Variants in RGL3 observed in about 807,000 individuals in gnomAD.
RGL3 encodes the protein ral guanine nucleotide dissociation stimulator-like 3.
In RGL3, 85 loss-of-function variants were observed where a neutral mutation model predicts 90.6. The observed-to-expected ratio is 0.94, with a 90% CI of 0.79 to 1.12. The LOEUF is 1.12. Ranked by LOEUF, RGL3 falls within the 50% of genes most tolerant of loss-of-function variation. The pLI is 0.00. For missense variants in RGL3, 1,034 were observed against 939.2 expected, an observed-to-expected ratio of 1.10 and a Z score of -1.32; for synonymous variants, 408 against 385.5, an observed-to-expected ratio of 1.06 and a Z score of -0.68.
In RGL3 at chr19:11,402,669, G is replaced by T. The variant is rs960225093; in HGVS notation, c.1223C>A (p.Thr408Asn). 1 of 1,613,852 alleles carries T rather than the reference G, an allele frequency of 6.2e-7. No individual in the cohort carries two copies. Among genetic ancestry groups the T allele is most frequent in the African/African-American group, 1.3e-5 (1 of 74,910 alleles). The change falls in exon 10 of 19, where the codon ACC (threonine) becomes AAC (asparagine). Residue 408 changes from threonine to asparagine, a missense_variant. Coordinates refer to ENST00000380456, the MANE Select transcript of RGL3 (RefSeq NM_001035223.4). ...ACTCACTGAGGGCAGGCTGCCTGGG[G>T]TGTTGTCCTCTTCTTGGGATCCCTC... ...ATEGSQEEDN[T>N]PGSLPSKPPP...
chr19:11,397,476 T>C lies in RGL3; in HGVS notation c.1868A>G (p.Asn623Ser), dbSNP rs746209386. ...EARVIRVSID[N>S]DHGNLYRSIL... is the part of the protein sequence containing the mutation. ...GCTTCGATACAGGTTCCCGTGGTCA[T>C]TGTCGATGCTGACGCGGATGACACG... is the stretch of plus-strand genomic sequence containing the variant. The change falls in exon 17 of 19, where the codon AAT becomes AGT. Residue 623 changes from asparagine to serine, a missense_variant. Asn to Ser is a conservative substitution (Grantham distance 46, BLOSUM62 1). Coordinates refer to ENST00000380456, the MANE Select transcript of RGL3 (RefSeq NM_001035223.4). The C allele has an allele frequency of 6.2e-7, 1 of 1,612,990 alleles. No homozygotes were observed. The highest frequency in any genetic ancestry group is 1.1e-5 in the South Asian group (1 of 90,960).
intron 18 of RGL3, 32 bp downstream of exon 18, chr19:11,397,212 C>G (rs1368813710): frequency 6.3e-6 from 10 of 1,593,608 alleles, no homozygotes; most frequent in African/African-American, 1.3e-5. Context: ...CCCGCTGCCC[C>G]CTATCCTGAG....
intron 5 of RGL3, among the ~76,000 whole-genome samples, chr19:11,407,737 A>C (rs1028110487): frequency 6.7e-6 from 1 of 150,320 alleles, no homozygotes; most frequent in Non-Finnish European, 1.5e-5. Context: ...CCCAGGCTGG[A>C]ATGCAATGGC....
At chr19:11,395,582 TCAGA>T (rs1293796629) in intron 18 of RGL3, among the ~76,000 whole-genome samples, 1 of 152,102 alleles carries the variant, frequency 6.6e-6, no homozygotes, top group Non-Finnish European at 1.5e-5. Flanking sequence ...AAACTTAAGA[TCAGA>T]CAAACTTCTA....
chr19:11,406,891 CT>C, intron 5 of RGL3, 27 bp from the exon 6 acceptor site: 1 of 1,594,294 alleles, frequency 6.3e-7, no homozygotes, highest in Non-Finnish European at 8.6e-7. Context: ...GTTACAAACT[CT>C]CAAGTTTGAA....
chr19:11,416,559 C>A (rs1017957420), intron 4 of RGL3, 55 bp downstream of exon 4: 1 of 1,555,612 alleles, frequency 6.4e-7, no homozygotes, highest in Non-Finnish European at 8.9e-7. Context: ...GACTGCTAAC[C>A]TTTGACCTCT....
chr19:11,402,214 CCTT>C lies in RGL3; in HGVS notation c.1360_1362del (p.Lys454del), dbSNP rs768041317. 1 of 1,613,486 alleles carries C rather than the reference CCTT, an allele frequency of 6.2e-7. No individual in the cohort carries two copies. Among genetic ancestry groups the C allele is most frequent in the South Asian group, 1.1e-5 (1 of 91,066 alleles). Reference sequence around the variant, plus strand: ...CCACACCCACTGTAGCCTCCACTCACCTTCCTCCTCTTCTCAAAGTTAATGAGA... The same window carrying C: ...CCACACCCACTGTAGCCTCCACTCACCCTCCTCTTCTCAAAGTTAATGAGA... On this transcript the variant is annotated inframe_deletion and splice_region_variant, in exon 12 of 19. Coordinates refer to ENST00000380456, the MANE Select transcript of RGL3 (RefSeq NM_001035223.4).
chr19:11,414,244 T>C (rs59491869), intron 5 of RGL3, among the ~76,000 whole-genome samples: 1 of 98,160 alleles, frequency 1.0e-5, no homozygotes, highest in Non-Finnish European at 2.0e-5. Flanking sequence ...TATATATATA[T>C]ACCTTTATAT....
chr19:11,411,771 C>T (rs959881268), intron 5 of RGL3, among the ~76,000 whole-genome samples: 2 of 152,116 alleles, frequency 1.3e-5, no homozygotes, highest in Admixed American at 1.3e-4. Context: ...TATAGGCAGT[C>T]ACCACCATGC....
At position 11,419,308 on chromosome 19, in the gene RGL3, G is replaced by A; in HGVS notation, c.-30C>T. 2 of 1,534,398 alleles carry A rather than the reference G, an allele frequency of 1.3e-6. No homozygotes were observed. Among genetic ancestry groups the A allele is most frequent in the Non-Finnish European group, 8.7e-7 (1 of 1,143,522 alleles). On this transcript the variant is annotated 5_prime_UTR_variant, in exon 1 of 19. Transcript: ENST00000380456. ...GGCGCCCGTCCCTCTCAGTGGCGCC[G>A]CTGAGTGAGGCGGAAGGGCCGGCGG...
chr19:11,397,492 G>T lies in RGL3; in HGVS notation c.1852C>A (p.Arg618Ser), dbSNP rs1001169516. ...AQQSSEARVI[R>S]VSIDNDHGNL... Reference sequence around the variant, plus strand: ...CCGTGGTCATTGTCGATGCTGACGCGGATGACACGGGCCTCCGAGCTCTGC... The same window carrying T: ...CCGTGGTCATTGTCGATGCTGACGCTGATGACACGGGCCTCCGAGCTCTGC... Residue 618 changes from arginine (R) to serine (S), a missense_variant, in exon 17 of 19, where the codon CGC becomes AGC. Transcript: ENST00000380456. 3 of 1,613,568 alleles carry T rather than the reference G, an allele frequency of 1.9e-6. No homozygotes were observed. The highest frequency in any genetic ancestry group is 2.5e-6 in the Non-Finnish European group (3 of 1,179,824).
chr19:11,416,188 G>A (rs185361624), intron 4 of RGL3, 40 bp from the exon 5 acceptor site: 2 of 1,397,824 alleles, frequency 1.4e-6, no homozygotes, highest in Non-Finnish European at 1.9e-6. Flanking sequence ...GGTCCAGAGT[G>A]GGGGACATAG....
intron 4 of RGL3, 136 bp downstream of exon 4, chr19:11,416,478 C>A (rs1969000420): frequency 1.1e-6 from 1 of 870,468 alleles, no homozygotes; most frequent in African/African-American, 1.6e-5. Context: ...GGATTACAGG[C>A]ATGAGCCACC....
At chr19:11,409,397 C>T (rs1488846233) in intron 5 of RGL3, among the ~76,000 whole-genome samples, 4 of 152,044 alleles carry the variant, frequency 2.6e-5, no homozygotes, top group Non-Finnish European at 5.9e-5. Context: ...AGGAGAATGG[C>T]GTGAACCGGC....
At chr19:11,415,851 C>T (rs1599444882) in intron 5 of RGL3, 86 bp downstream of exon 5, 2 of 1,192,464 alleles carry the variant, frequency 1.7e-6, no homozygotes, top group Admixed American at 2.4e-5. Flanking sequence ...AGTTTTGTAG[C>T]TCTGAGAGGG....
intron 9 of RGL3, 139 bp from the exon 10 acceptor site, chr19:11,402,845 C>T (rs1408677602): frequency 1.4e-5 from 10 of 704,618 alleles, no homozygotes; most frequent in African/African-American, 9.1e-5. Context: ...CGATGGCTCA[C>T]GCCTGTAATC....
At chr19:11,396,144 A>C (rs1205750996) in intron 18 of RGL3, among the ~76,000 whole-genome samples, 12 of 57,968 alleles carry the variant, frequency 2.1e-4, no homozygotes, top group African/African-American at 7.9e-4. Context: ...CTCTATATAT[A>C]TATATATATA....
chr19:11,394,106 T>C lies in RGL3; in HGVS notation c.*296A>G, dbSNP rs1968523880. 3.1e-6 allele frequency: 1 copy of C among 321,444 alleles called. No homozygotes were observed. Among genetic ancestry groups the C allele is most frequent in the African/African-American group, 2.1e-5 (1 of 47,388 alleles). 19.9% of individuals were successfully genotyped at this position (321,444 alleles called of 1,614,324 possible). Reference sequence around the variant, plus strand: ...TTTCATCCGCATCTGTCACTTCTGATGCGTCTCTAACATTTATAAGATTTC... The same window carrying C: ...TTTCATCCGCATCTGTCACTTCTGACGCGTCTCTAACATTTATAAGATTTC... On this transcript the variant is annotated 3_prime_UTR_variant, in exon 19 of 19. Transcript: ENST00000380456.
At chr19:11,417,091 C>A in intron 2 of RGL3, 32 bp from the exon 3 acceptor site, 1 of 1,513,766 alleles carries the variant, frequency 6.6e-7, no homozygotes, top group Non-Finnish European at 9.0e-7. Flanking sequence ...CATGAGAGAG[C>A]AGGAGTGGTC....
Sources: allele counts gnomAD v4.1 joint callset (sites outside exome capture counted in the v4.1 genomes callset), GRCh38; gene constraint gnomAD v4.1.1; transcripts MANE v1.5; gene names NCBI Gene and HGNC (gene_info 2026-07-23, HGNC 2026-07-21).